The following KCNH5 variants were observed in gnomAD, a reference collection of about 807,000 sequenced individuals.
The protein encoded by KCNH5 is voltage-gated delayed rectifier potassium channel KCNH5.
KCNH5 carries 46 observed loss-of-function variants against 96.1 expected under a neutral mutation model. The observed-to-expected ratio is 0.48, with a 90% CI of 0.38 to 0.61. The LOEUF is 0.61. KCNH5 is among the 20% of genes least tolerant of loss of function. The pLI is 0.00. For synonymous variants in KCNH5, 439 were observed against 449.8 expected, an observed-to-expected ratio of 0.98 and a Z score of 0.30; for missense variants, 907 against 1,225.8, an observed-to-expected ratio of 0.74 and a Z score of 3.88.
intron 9 of KCNH5, among the ~76,000 whole-genome samples, chr14:62,793,251 C>A (rs1886470988): frequency 6.6e-6 from 1 of 151,758 alleles, no homozygotes; most frequent in Non-Finnish European, 1.5e-5. Flanking sequence ...CTTCACAACA[C>A]AGTACTGTGA....
chr14:62,896,173 G>A (rs1320899473), intron 7 of KCNH5, among the ~76,000 whole-genome samples: 6 of 152,170 alleles, frequency 3.9e-5, no homozygotes, highest in Non-Finnish European at 7.3e-5. Context: ...AAGAGCAGCA[G>A]CAATAGTCAT....
At chr14:62,821,214 G>C (rs929138436) in intron 8 of KCNH5, among the ~76,000 whole-genome samples, 1 of 150,938 alleles carries the variant, frequency 6.6e-6, no homozygotes, top group Non-Finnish European at 1.5e-5. Flanking sequence ...AAAAAAAAAA[G>C]CTTTTCTTAA....
At chr14:62,819,813 G>A (rs1321409481) in intron 8 of KCNH5, among the ~76,000 whole-genome samples, 8 of 152,094 alleles carry the variant, frequency 5.3e-5, no homozygotes, top group Non-Finnish European at 1.0e-4. Flanking sequence ...TTACATGTGT[G>A]CACGTGTATA....
intron 7 of KCNH5, among the ~76,000 whole-genome samples, chr14:62,908,400 A>G (rs1262133373): frequency 6.6e-6 from 1 of 152,166 alleles, no homozygotes; most frequent in South Asian, 2.1e-4. Flanking sequence ...CAGTAACACA[A>G]AAAGAGCCTC....
chr14:62,915,095 A>C (rs542583136), intron 7 of KCNH5, among the ~76,000 whole-genome samples: 3 of 152,262 alleles, frequency 2.0e-5, no homozygotes, highest in Non-Finnish European at 4.4e-5. Flanking sequence ...GCTCCAGTTA[A>C]GCAATATGTG....
chr14:62,912,759 T>C (rs1309787971), intron 7 of KCNH5, among the ~76,000 whole-genome samples: 1 of 152,184 alleles, frequency 6.6e-6, no homozygotes, highest in Non-Finnish European at 1.5e-5. Context: ...CACACAAATA[T>C]GACATAGTTA....
intron 7 of KCNH5, among the ~76,000 whole-genome samples, chr14:62,897,519 T>G (rs1369057928): frequency 6.6e-6 from 1 of 152,172 alleles, no homozygotes; most frequent in Admixed American, 6.5e-5. Context: ...TGGAATATGC[T>G]GGAATATGGG....
chr14:62,879,009 G>A (rs1888439821), intron 7 of KCNH5, among the ~76,000 whole-genome samples: 1 of 152,140 alleles, frequency 6.6e-6, no homozygotes, highest in Non-Finnish European at 1.5e-5. Context: ...GAACTTCGAT[G>A]TAGGAATTTG....
chr14:62,754,141 C>T (rs1350347970), intron 10 of KCNH5, among the ~76,000 whole-genome samples: 3 of 152,100 alleles, frequency 2.0e-5, no homozygotes, highest in Non-Finnish European at 2.9e-5. Flanking sequence ...TTCTCTTTGG[C>T]TTATCTGTTT....
intron 7 of KCNH5, among the ~76,000 whole-genome samples, chr14:62,867,160 G>A (rs1477419294): frequency 6.6e-6 from 1 of 152,162 alleles, no homozygotes; most frequent in African/African-American, 2.4e-5. Flanking sequence ...CTCACTGGCA[G>A]AGCCCCGTCA....
At chr14:62,987,246 T>C (rs920235781) in intron 4 of KCNH5, 59 bp from the exon 5 acceptor site, 1 of 1,185,034 alleles carries the variant, frequency 8.4e-7, no homozygotes, top group Non-Finnish European at 1.3e-6. Flanking sequence ...GAATCCAACA[T>C]TCTTGCTAGC....
chr14:62,997,537 T>C lies in KCNH5; in HGVS notation c.433+3794A>G, dbSNP rs1428520933. 1.3e-5 allele frequency among the ~76,000 whole-genome samples: 2 copies of C among 152,170 alleles called. 1 individual carries two copies. Among genetic ancestry groups the C allele is most frequent in the South Asian group, 4.2e-4 (2 of 4,818 alleles). On this transcript the variant is annotated intron_variant, in intron 4 of 10. Coordinates refer to ENST00000322893, the MANE Select transcript of KCNH5 (RefSeq NM_139318.5). ...ATTACAGCAACTGGTTTTTGCATGTTAAACCAGCCTTGCATAAGTGGGATA... is the reference window on the plus strand; with the variant it reads ...ATTACAGCAACTGGTTTTTGCATGTCAAACCAGCCTTGCATAAGTGGGATA...
At chr14:62,755,583 A>C (rs966261243) in intron 10 of KCNH5, among the ~76,000 whole-genome samples, 1 of 152,200 alleles carries the variant, frequency 6.6e-6, no homozygotes, top group African/African-American at 2.4e-5. Context: ...TTCTATGAGC[A>C]CAATATTATT....
chr14:62,707,502 T>C lies in KCNH5; in HGVS notation c.*6A>G. 1 of 1,336,968 alleles carries C rather than the reference T, an allele frequency of 7.5e-7. No homozygotes were observed. Among genetic ancestry groups the C allele is most frequent in the Non-Finnish European group, 1.0e-6 (1 of 1,001,544 alleles). 82.8% of individuals were successfully genotyped at this position (1,336,968 alleles called of 1,614,324 possible). On this transcript the variant is annotated 3_prime_UTR_variant, in exon 11 of 11. Transcript: ENST00000322893. Reference sequence around the variant, plus strand: ...TAATATATTAACAAATATATATGTATATATATTAAAAGTGGATTTCATCTT... The same window carrying C: ...TAATATATTAACAAATATATATGTACATATATTAAAAGTGGATTTCATCTT...
At chr14:62,921,505 A>G (rs1595685524) in intron 7 of KCNH5, among the ~76,000 whole-genome samples, 1 of 152,256 alleles carries the variant, frequency 6.6e-6, no homozygotes, top group Middle Eastern at 3.4e-3. Context: ...AATGTGATGG[A>G]GAAGGATTTG....
At chr14:62,758,878 G>A (rs116632512) in intron 10 of KCNH5, among the ~76,000 whole-genome samples, 1,766 of 152,326 alleles carry the variant, frequency 0.012, 31 homozygotes, top group African/African-American at 0.04. Flanking sequence ...ACTGCTTGAG[G>A]AGGGAGCTAG....
chr14:62,823,810 C>A (rs1199343967), intron 8 of KCNH5, among the ~76,000 whole-genome samples: 1 of 151,958 alleles, frequency 6.6e-6, no homozygotes, highest in Admixed American at 6.6e-5. Context: ...GACATTTATG[C>A]ATCCCTGCTT....
chr14:62,793,476 C>G (rs1169020107), intron 9 of KCNH5, among the ~76,000 whole-genome samples: 1 of 151,620 alleles, frequency 6.6e-6, no homozygotes, highest in Admixed American at 6.6e-5. Flanking sequence ...AGGTGTGTTG[C>G]TGTGATAGAA....
intron 10 of KCNH5, among the ~76,000 whole-genome samples, chr14:62,745,215 T>C (rs1885351293): frequency 6.6e-6 from 1 of 152,158 alleles, no homozygotes; most frequent in African/African-American, 2.4e-5. Context: ...CTCAGTTTGC[T>C]TGTGTAGATC....
Sources: gnomAD v4.1 joint callset for allele counts (sites outside exome capture counted in the v4.1 genomes callset) on GRCh38, gnomAD v4.1.1 for gene constraint, MANE v1.5 for transcripts, NCBI Gene and HGNC (gene_info 2026-07-23, HGNC 2026-07-21) for gene names.